The following GLB1 variants were observed in gnomAD, a reference collection of about 807,000 sequenced individuals.
GLB1 encodes the protein beta-galactosidase.
Under a neutral mutation model 74.0 loss-of-function variants are expected in GLB1, and 56 were observed. That is an observed-to-expected ratio of 0.76 (90% CI 0.61 to 0.94). The LOEUF is 0.94. Ranked by LOEUF, GLB1 falls within the 40% of genes least tolerant of loss-of-function variation. The probability of loss-of-function intolerance (pLI) is 0.00; values close to 1 mark genes in which losing one functional copy is unlikely to be tolerated. For missense variants in GLB1, 787 were observed against 845.5 expected, an observed-to-expected ratio of 0.93 and a Z score of 0.86; for synonymous variants, 323 against 323.6, an observed-to-expected ratio of 1.00 and a Z score of 0.02.
the GLB1 span, among the ~76,000 whole-genome samples, chr3:32,978,580 C>G: frequency 6.6e-6 from 1 of 152,076 alleles, no homozygotes; most frequent in East Asian, 1.9e-4. Context: ...ATAATCTTTG[C>G]AACAACTCGG....
intron 10 of GLB1, among the ~76,000 whole-genome samples, chr3:33,026,544 G>A (rs895312915): frequency 2.0e-5 from 3 of 152,156 alleles, no homozygotes; most frequent in African/African-American, 7.2e-5. Flanking sequence ...AAGCTGGGGA[G>A]GGCCCGAAGC....
chr3:32,998,369 G>A (rs1696401391), intron 15 of GLB1, among the ~76,000 whole-genome samples: 1 of 152,140 alleles, frequency 6.6e-6, no homozygotes, highest in African/African-American at 2.4e-5. Context: ...TTAGCCAGGT[G>A]TGGTGGCACA....
At chr3:33,049,368 A>G (rs761139771) in intron 9 of GLB1, among the ~76,000 whole-genome samples, 3 of 152,072 alleles carry the variant, frequency 2.0e-5, no homozygotes, top group Non-Finnish European at 4.4e-5. Context: ...ACATAGGTAA[A>G]CGTGTGCCAT....
At chr3:33,022,332 A>G (rs1334162041) in intron 11 of GLB1, among the ~76,000 whole-genome samples, 1 of 152,090 alleles carries the variant, frequency 6.6e-6, no homozygotes, top group Non-Finnish European at 1.5e-5. Context: ...ATGCAATAAC[A>G]ACAATAATAA....
At chr3:32,996,428 C>G (rs1046876611), downstream of GLB1, among the ~76,000 whole-genome samples, 1 of 152,156 alleles carries the variant, frequency 6.6e-6, no homozygotes, top group Non-Finnish European at 1.5e-5. Context: ...AGATCTCTCA[C>G]CATTTTAGTG....
intron 12 of GLB1, among the ~76,000 whole-genome samples, chr3:33,020,188 T>C (rs1697409769): frequency 6.6e-6 from 1 of 152,136 alleles, no homozygotes; most frequent in South Asian, 2.1e-4. Context: ...AATGTGTGTG[T>C]GGTGGGGGGA....
At chr3:32,975,137 A>G in the GLB1 span, among the ~76,000 whole-genome samples, 23 of 152,164 alleles carry the variant, frequency 1.5e-4, no homozygotes, top group Non-Finnish European at 2.9e-4. Flanking sequence ...GCTGGAGTGC[A>G]GTGGCATGAT....
intron 10 of GLB1, among the ~76,000 whole-genome samples, chr3:33,031,636 AAAAAATATATATAT>A (rs1348129375): frequency 5.5e-5 from 3 of 54,432 alleles, no homozygotes; most frequent in South Asian, 9.3e-4. Context: ...AAAAAAAAAA[AAAAAATATATATAT>A]ATATATATAT....
At chr3:32,978,846 C>T in the GLB1 span, among the ~76,000 whole-genome samples, 4 of 149,780 alleles carry the variant, frequency 2.7e-5, no homozygotes, top group Non-Finnish European at 5.9e-5. Flanking sequence ...CTGCAACCCC[C>T]ACGTCTCGGT....
the GLB1 span, among the ~76,000 whole-genome samples, chr3:32,974,692 A>G: frequency 6.6e-6 from 1 of 152,088 alleles, no homozygotes; most frequent in Admixed American, 6.5e-5. Flanking sequence ...AGACCCTAAA[A>G]GAGTTGATGT....
At chr3:33,085,971 T>C (rs1700490744) in intron 1 of GLB1, among the ~76,000 whole-genome samples, 1 of 151,144 alleles carries the variant, frequency 6.6e-6, no homozygotes, top group Non-Finnish European at 1.5e-5. Flanking sequence ...CCTAGCTATC[T>C]GGAGGCCAAA....
intron 1 of GLB1, chr3:33,096,472 G>C (rs1701032516): frequency 1.0e-6 from 1 of 984,470 alleles, no homozygotes; most frequent in South Asian, 4.7e-5. Flanking sequence ...CCAAGCCAAA[G>C]GGCAGGCGAC....
chr3:32,989,563 A>G, the GLB1 span, among the ~76,000 whole-genome samples: 4 of 152,210 alleles, frequency 2.6e-5, no homozygotes, highest in African/African-American at 9.6e-5. Context: ...TATACCGGGC[A>G]TTCTGCTCAC....
chr3:33,081,943 CAG>C (rs1559416711), intron 1 of GLB1, among the ~76,000 whole-genome samples: 1 of 152,236 alleles, frequency 6.6e-6, no homozygotes, highest in African/African-American at 2.4e-5. Flanking sequence ...AGCTTTGAGC[CAG>C]TTCTCTAACA....
chr3:32,965,918 T>C, the GLB1 span, among the ~76,000 whole-genome samples: 4 of 152,228 alleles, frequency 2.6e-5, no homozygotes, highest in Admixed American at 6.5e-5. Context: ...GTGTTGAGAC[T>C]GCAGGTGCAC....
chr3:33,045,752 C>A, intron 10 of GLB1: 1 of 1,164,862 alleles, frequency 8.6e-7, no homozygotes, highest in Non-Finnish European at 1.1e-6. Context: ...CTCCCATCAC[C>A]CTACCTCTCA....
intron 2 of GLB1, among the ~76,000 whole-genome samples, chr3:33,072,294 C>T (rs1699915599): frequency 1.3e-5 from 2 of 152,178 alleles, no homozygotes; most frequent in Non-Finnish European, 2.9e-5. Context: ...CTTCTGTTTG[C>T]TTCCCCCATC....
chr3:33,071,994 T>C (rs1699904856), intron 2 of GLB1, among the ~76,000 whole-genome samples: 2 of 152,276 alleles, frequency 1.3e-5, no homozygotes, highest in South Asian at 4.1e-4. Flanking sequence ...TGTAAAAAGT[T>C]TTCCTTGGGT....
chr3:32,970,869 T>C, the GLB1 span, among the ~76,000 whole-genome samples: 1 of 152,210 alleles, frequency 6.6e-6, no homozygotes, highest in African/African-American at 2.4e-5. Flanking sequence ...TTGAGGTTCA[T>C]ATTAAATCGG....
Sources: allele counts gnomAD v4.1 joint callset (sites outside exome capture counted in the v4.1 genomes callset), GRCh38; gene constraint gnomAD v4.1.1; transcripts MANE v1.5; gene names NCBI Gene and HGNC (gene_info 2026-07-23, HGNC 2026-07-21).